The following ARHGAP42 variants were observed in gnomAD, a reference collection of about 807,000 sequenced individuals.
The protein encoded by ARHGAP42 is rho GTPase-activating protein 42.
ARHGAP42 carries 63 observed loss-of-function variants against 125.0 expected under a neutral mutation model. The ratio of observed to expected loss-of-function variants is 0.50; its 90% CI spans 0.41 to 0.62. The LOEUF (loss-of-function observed/expected upper bound fraction) is 0.62. ARHGAP42 is among the 20% of genes least tolerant of loss of function. The probability of loss-of-function intolerance (pLI) is 0.00; values close to 1 mark genes in which losing one functional copy is unlikely to be tolerated. For synonymous variants in ARHGAP42, 339 were observed against 351.0 expected, an observed-to-expected ratio of 0.97 and a Z score of 0.38; for missense variants, 766 against 1,024.2, an observed-to-expected ratio of 0.75 and a Z score of 3.44.
At chr11:100,976,668 G>C in intron 20 of ARHGAP42, 147 bp from the exon 21 acceptor site, 1 of 1,119,690 alleles carries the variant, frequency 8.9e-7, no homozygotes, top group Non-Finnish European at 1.2e-6. Flanking sequence ...ATCTCCCCAA[G>C]TGATGGGTTG....
At chr11:100,799,475 C>G (rs1358473465) in intron 3 of ARHGAP42, among the ~76,000 whole-genome samples, 1 of 152,148 alleles carries the variant, frequency 6.6e-6, no homozygotes, top group Non-Finnish European at 1.5e-5. Flanking sequence ...CTTACTCTAC[C>G]TATGTGAACT....
At position 100,842,242 on chromosome 11, in the gene ARHGAP42, G is replaced by A. The variant is rs562197102; in HGVS notation, c.313-17312G>A. ...AAATATAGCTCCTACATTCACCATC[G>A]TCTACATGCATAAACTGAGAAGGGA... On this transcript the variant is annotated intron_variant, in intron 3 of 23. Transcript: ENST00000298815. 1.7e-3 allele frequency among the ~76,000 whole-genome samples: 252 copies of A among 152,008 alleles called. 1 individual carries two copies. The highest frequency in any genetic ancestry group is 6.9e-4 in the Non-Finnish European group (47 of 68,010).
At chr11:100,714,686 G>C (rs1387274687) in intron 1 of ARHGAP42, among the ~76,000 whole-genome samples, 3 of 152,042 alleles carry the variant, frequency 2.0e-5, no homozygotes, top group Non-Finnish European at 2.9e-5. Flanking sequence ...TTTTTGGTCA[G>C]GCTTTTCCAA....
intron 1 of ARHGAP42, among the ~76,000 whole-genome samples, chr11:100,725,449 G>C (rs562143652): frequency 2.3e-4 from 35 of 151,810 alleles, no homozygotes; most frequent in Admixed American, 1.6e-3. Context: ...GATTACAGGC[G>C]TGAGCCACCG....
chr11:100,753,304 G>A (rs1203373090), intron 1 of ARHGAP42, among the ~76,000 whole-genome samples: 1 of 152,188 alleles, frequency 6.6e-6, no homozygotes, highest in Non-Finnish European at 1.5e-5. Flanking sequence ...TGATAAGGCA[G>A]GTCTCTCACC....
intron 3 of ARHGAP42, among the ~76,000 whole-genome samples, chr11:100,814,521 T>G (rs999583779): frequency 1.8e-4 from 27 of 152,122 alleles, no homozygotes; most frequent in Admixed American, 1.6e-3. Context: ...GACTGGGTAA[T>G]TTATAAAGAT....
intron 1 of ARHGAP42, among the ~76,000 whole-genome samples, chr11:100,699,672 G>A (rs558515945): frequency 6.6e-6 from 1 of 150,728 alleles, no homozygotes; most frequent in Non-Finnish European, 1.5e-5. Flanking sequence ...ACAGAGGTGC[G>A]CCACCACGCC....
chr11:100,903,498 A>G (rs1049805742), intron 4 of ARHGAP42, among the ~76,000 whole-genome samples: 1 of 151,460 alleles, frequency 6.6e-6, no homozygotes, highest in African/African-American at 2.4e-5. Flanking sequence ...TTTTCCAAAT[A>G]TCCTGTCTGG....
chr11:100,922,161 C>G (rs1315617840), intron 6 of ARHGAP42, among the ~76,000 whole-genome samples: 1 of 152,166 alleles, frequency 6.6e-6, no homozygotes, highest in Non-Finnish European at 1.5e-5. Flanking sequence ...AGTACAGTGA[C>G]CCATTTAGCA....
chr11:100,931,051 C>G (rs1867567361), intron 6 of ARHGAP42, among the ~76,000 whole-genome samples: 1 of 152,124 alleles, frequency 6.6e-6, no homozygotes, highest in South Asian at 2.1e-4. Flanking sequence ...ATTATGTTTC[C>G]TATACACCTC....
At chr11:100,963,328 A>G (rs1294504148) in intron 16 of ARHGAP42, among the ~76,000 whole-genome samples, 8 of 152,202 alleles carry the variant, frequency 5.3e-5, no homozygotes, top group Non-Finnish European at 8.8e-5. Context: ...GAGTTGACAT[A>G]TGTTATCTGA....
intron 1 of ARHGAP42, among the ~76,000 whole-genome samples, chr11:100,717,832 A>G (rs933988810): frequency 5.3e-5 from 8 of 149,568 alleles, no homozygotes; most frequent in African/African-American, 1.5e-4. Flanking sequence ...AGGCTGAGGC[A>G]GGAGAATGGC....
intron 1 of ARHGAP42, among the ~76,000 whole-genome samples, chr11:100,749,412 A>C (rs1380416977): frequency 4.7e-5 from 6 of 126,602 alleles, no homozygotes; most frequent in African/African-American, 9.4e-5. Flanking sequence ...GGAAGACTAA[A>C]CCCTCAAACC....
At chr11:100,796,652 C>A (rs1863723602) in intron 3 of ARHGAP42, among the ~76,000 whole-genome samples, 1 of 151,648 alleles carries the variant, frequency 6.6e-6, no homozygotes, top group South Asian at 2.1e-4. Flanking sequence ...GATAAGAAAA[C>A]AAAACAGCAC....
In ARHGAP42 at chr11:100,696,601, C is replaced by T. The variant is rs370008644; in HGVS notation, c.154+8769C>T. Among the ~76,000 whole-genome samples, 5 of 152,176 alleles carry T rather than the reference C, an allele frequency of 3.3e-5. No homozygotes were observed. In the East Asian group the frequency reaches 7.8e-4, roughly 24 times the overall value. ...AACTCCTGACCTCATATGATCCACC[C>T]GCCTCAGCCTCCCAAAGTGCTGGGA... On this transcript the variant is annotated intron_variant, in intron 1 of 23. Transcript: ENST00000298815.
intron 1 of ARHGAP42, among the ~76,000 whole-genome samples, chr11:100,699,486 A>G (rs535488377): frequency 4.0e-3 from 104 of 26,258 alleles, no homozygotes; most frequent in African/African-American, 0.015. Context: ...TCATGTATAT[A>G]TATATATATA....
At chr11:100,719,075 G>A (rs1406741401) in intron 1 of ARHGAP42, among the ~76,000 whole-genome samples, 1 of 152,060 alleles carries the variant, frequency 6.6e-6, no homozygotes, top group African/African-American at 2.4e-5. Context: ...TAGATTACTG[G>A]GAAAATATTG....
chr11:100,940,259 T>A (rs1296021832), intron 8 of ARHGAP42, among the ~76,000 whole-genome samples: 2 of 152,236 alleles, frequency 1.3e-5, no homozygotes, highest in African/African-American at 2.4e-5. Context: ...GGTACTTTTT[T>A]AAATTTCAAT....
At chr11:100,738,458 G>A (rs1296540429) in intron 1 of ARHGAP42, 1 of 152,186 alleles carries the variant, frequency 6.6e-6, no homozygotes, top group East Asian at 1.9e-4. Context: ...AGATTTAAAA[G>A]AGTATCATCT....
Sources: allele counts gnomAD v4.1 joint callset (sites outside exome capture counted in the v4.1 genomes callset), GRCh38; gene constraint gnomAD v4.1.1; transcripts MANE v1.5; gene names NCBI Gene and HGNC (gene_info 2026-07-23, HGNC 2026-07-21).